Variants in UNC13C observed in about 807,000 individuals in gnomAD.
The protein encoded by UNC13C is unc-13 homolog C.
In UNC13C, 174 loss-of-function variants were observed where a neutral mutation model predicts 245.4. The observed-to-expected ratio is 0.71, with a 90% CI of 0.63 to 0.80. UNC13C has a LOEUF of 0.80. UNC13C is among the 30% of genes least tolerant of loss of function. UNC13C has a pLI of 0.00. For synonymous variants in UNC13C, 992 were observed against 895.1 expected, an observed-to-expected ratio of 1.11 and a Z score of -1.93; for missense variants, 2,829 against 2,602.9, an observed-to-expected ratio of 1.09 and a Z score of -1.89.
chr15:54,365,733 G>C (rs941627193), intron 17 of UNC13C, among the ~76,000 whole-genome samples: 36 of 150,042 alleles, frequency 2.4e-4, no homozygotes, highest in Admixed American at 2.3e-3. Flanking sequence ...CTCCTCACTG[G>C]CACTGCTCCC....
chr15:54,539,007 A>C (rs977772724), intron 26 of UNC13C, among the ~76,000 whole-genome samples: 7 of 152,056 alleles, frequency 4.6e-5, no homozygotes, highest in Non-Finnish European at 1.0e-4. Flanking sequence ...TAAGAGTTGG[A>C]AAGGAAAAAA....
intron 30 of UNC13C, among the ~76,000 whole-genome samples, chr15:54,614,253 A>G (rs2048408236): frequency 6.6e-6 from 1 of 151,904 alleles, no homozygotes; most frequent in Non-Finnish European, 1.5e-5. Context: ...ACCATATTGC[A>G]TAGAACTTGG....
intron 30 of UNC13C, among the ~76,000 whole-genome samples, chr15:54,584,225 T>C (rs1850999): frequency 0.76 from 114,895 of 152,116 alleles, 44,468 homozygotes; most frequent in African/African-American, 0.94. Context: ...CAACAGAAAG[T>C]TTGGTTGTTT....
chr15:54,011,825 C>G (rs891646616), intron 1 of UNC13C, among the ~76,000 whole-genome samples: 2 of 152,166 alleles, frequency 1.3e-5, no homozygotes, highest in South Asian at 4.1e-4. Flanking sequence ...CCTGCAGAGC[C>G]TGATTGAAAT....
intron 2 of UNC13C, among the ~76,000 whole-genome samples, chr15:54,060,410 A>G (rs1383689498): frequency 5.3e-5 from 8 of 152,198 alleles, no homozygotes; most frequent in South Asian, 2.1e-4. Flanking sequence ...AATCAAAACC[A>G]CAATGAGATA....
At chr15:54,314,106 G>A (rs145129277) in intron 13 of UNC13C, among the ~76,000 whole-genome samples, 23 of 151,284 alleles carry the variant, frequency 1.5e-4, no homozygotes, top group Admixed American at 5.3e-4. Flanking sequence ...TGGAATTCAC[G>A]GAAATAAAGA....
At chr15:54,005,042 G>T (rs1895074488) in intron 1 of UNC13C, among the ~76,000 whole-genome samples, 1 of 151,960 alleles carries the variant, frequency 6.6e-6, no homozygotes, top group South Asian at 2.1e-4. Context: ...GTTTGCTCTG[G>T]TCACCTGTGT....
chr15:54,455,211 A>ATC (rs1891436243), intron 19 of UNC13C, among the ~76,000 whole-genome samples: 1 of 37,244 alleles, frequency 2.7e-5, no homozygotes, highest in African/African-American at 9.2e-5. Flanking sequence ...CTCTCTATAT[A>ATC]TATATATATA....
chr15:54,138,458 A>G (rs1158409343), intron 2 of UNC13C, among the ~76,000 whole-genome samples: 3 of 152,028 alleles, frequency 2.0e-5, no homozygotes, highest in Non-Finnish European at 4.4e-5. Context: ...GTCACCTTAT[A>G]ACCTGAAGTA....
intron 4 of UNC13C, among the ~76,000 whole-genome samples, chr15:54,150,125 C>T (rs1274294430): frequency 6.6e-6 from 1 of 152,116 alleles, no homozygotes; most frequent in Non-Finnish European, 1.5e-5. Flanking sequence ...AGTATTATCA[C>T]TGTTTTTAGT....
In UNC13C at chr15:54,264,227, G is replaced by A. The variant is rs2036497090; in HGVS notation, c.3508G>A (p.Ala1170Thr). 1.3e-6 allele frequency: 2 copies of A among 1,595,378 alleles called. No homozygotes were observed. Among genetic ancestry groups the A allele is most frequent in the Admixed American group, 1.7e-5 (1 of 57,334 alleles). Residue 1170 changes from alanine to threonine, a missense_variant, in exon 9 of 33, where the codon GCA (alanine) becomes ACA (threonine). By Grantham distance (58) the Ala-to-Thr change is moderately conservative. Transcript: ENST00000260323. Reference protein sequence around the residue: ...AEDKTQTIITAMKERMKIREK... With the variant: ...AEDKTQTIITTMKERMKIREK... ...AGACAAGACTCAGACCATTATTACA[G>A]CAATGAAAGAAAGAATGAAGATCAG... is the stretch of plus-strand genomic sequence containing the variant.
Position 54,236,485 on chromosome 15 carries a change from A to G in UNC13C, c.3156+50A>G, listed in dbSNP as rs28671280. Reference sequence around the variant, plus strand: ...TTAATATTTTGCAGTCTTCTCAAACATACACTGCACTTACTCATGGGGTAA... The same window carrying G: ...TTAATATTTTGCAGTCTTCTCAAACGTACACTGCACTTACTCATGGGGTAA... On this transcript the variant is annotated intron_variant, in intron 6 of 32. Transcript: ENST00000260323. 9.6e-4 allele frequency: 1,399 copies of G among 1,457,318 alleles called. 9 individuals are homozygous for G. In the African/African-American group the frequency reaches 0.017, roughly 18 times the overall value. The allele number at this position is 1,457,318 out of a possible 1,614,324, so 90.3% of individuals were successfully genotyped here. A position where few individuals can be genotyped will look rare whatever the true frequency, so the allele number is the denominator to read the frequency against.
At chr15:53,986,423 G>A (rs1894145399) in intron 1 of UNC13C, among the ~76,000 whole-genome samples, 1 of 152,022 alleles carries the variant, frequency 6.6e-6, no homozygotes, top group African/African-American at 2.4e-5. Flanking sequence ...TCTTATAGTT[G>A]ATTCCACTTC....
At chr15:54,393,293 C>A in intron 18 of UNC13C, 112 bp downstream of exon 18, 3 of 949,792 alleles carry the variant, frequency 3.2e-6, no homozygotes, top group South Asian at 4.5e-5. Context: ...CATAATTAAG[C>A]TATAGAAAAT....
At chr15:54,470,284 C>T (rs1045066811) in intron 19 of UNC13C, among the ~76,000 whole-genome samples, 1 of 151,452 alleles carries the variant, frequency 6.6e-6, no homozygotes, top group Non-Finnish European at 1.5e-5. Context: ...AGTATTCCTA[C>T]CTCTTCAATA....
chr15:54,539,736 C>A (rs1376208189), intron 26 of UNC13C, among the ~76,000 whole-genome samples: 1 of 151,984 alleles, frequency 6.6e-6, no homozygotes, highest in South Asian at 2.1e-4. Flanking sequence ...TGGAACATAA[C>A]AGAAAGTTTT....
intron 19 of UNC13C, among the ~76,000 whole-genome samples, chr15:54,458,934 T>A (rs1891687503): frequency 6.6e-6 from 1 of 152,060 alleles, no homozygotes; most frequent in Admixed American, 6.6e-5. Context: ...TGTTCTATTC[T>A]TCATAGCAGT....
chr15:54,013,351 G>A lies in UNC13C; in HGVS notation c.448G>A (p.Val150Ile). 3 of 1,613,870 alleles carry A rather than the reference G, an allele frequency of 1.9e-6. No individual in the cohort carries two copies. The highest frequency in any genetic ancestry group is 2.5e-6 in the Non-Finnish European group (3 of 1,179,862). ...NQAQSTHTMP[V>I]RRNRKSSSSL... is the part of the protein sequence containing the mutation. ...GGCACAATCAACACACACAATGCCA[G>A]TTAGACGCAACAGAAAGAGTTCAAG... Residue 150 changes from valine (V) to isoleucine (I), a missense_variant, in exon 2 of 33, where the codon GTT (valine) becomes ATT (isoleucine). Val to Ile is a conservative substitution (Grantham distance 29). Coordinates refer to ENST00000260323, the MANE Select transcript of UNC13C (RefSeq NM_001080534.3).
At chr15:54,099,569 A>T (rs1019733107) in intron 2 of UNC13C, among the ~76,000 whole-genome samples, 2 of 152,228 alleles carry the variant, frequency 1.3e-5, no homozygotes, top group South Asian at 2.1e-4. Context: ...AAATTTTTCA[A>T]ACTGTAAAAG....
Sources: allele counts gnomAD v4.1 joint callset (sites outside exome capture counted in the v4.1 genomes callset), GRCh38; gene constraint gnomAD v4.1.1; transcripts MANE v1.5; gene names NCBI Gene and HGNC (gene_info 2026-07-23, HGNC 2026-07-21).